The following DOCK8 variants were observed in gnomAD, a reference collection of about 807,000 sequenced individuals.
The protein encoded by DOCK8 is dedicator of cytokinesis 8.
Under a neutral mutation model 245.6 loss-of-function variants are expected in DOCK8, and 141 were observed. The ratio of observed to expected loss-of-function variants is 0.57; its 90% CI spans 0.50 to 0.66. The LOEUF is 0.66. DOCK8 is among the 30% of genes least tolerant of loss of function. The pLI, the probability that DOCK8 is intolerant of heterozygous loss-of-function variation, is 0.00. For synonymous variants in DOCK8, 1,168 were observed against 970.2 expected (o/e 1.20, Z -3.79); for missense variants, 2,965 against 2,603.4 (o/e 1.14, Z -3.02).
intron 1 of DOCK8, among the ~76,000 whole-genome samples, chr9:241,600 C>T (rs2047374827): frequency 6.6e-6 from 1 of 152,112 alleles, no homozygotes; most frequent in Non-Finnish European, 1.5e-5. Context: ...GTATCTATCC[C>T]ACATTTTCTT....
chr9:275,828 A>G (rs1214831790), intron 2 of DOCK8, among the ~76,000 whole-genome samples: 1 of 151,154 alleles, frequency 6.6e-6, no homozygotes, highest in Non-Finnish European at 1.5e-5. Context: ...ACCTCAAGTG[A>G]TCCACCCACC....
At chr9:274,957 C>A (rs1586566489) in intron 2 of DOCK8, among the ~76,000 whole-genome samples, 1 of 152,128 alleles carries the variant, frequency 6.6e-6, no homozygotes. Flanking sequence ...TAATTGAAGT[C>A]AAGTTATTTA....
chr9:369,978 T>G, intron 15 of DOCK8: 1 of 513,574 alleles, frequency 1.9e-6, no homozygotes, highest in Non-Finnish European at 3.5e-6. Context: ...ATTTTTGTAT[T>G]TTTTTGTAGA....
intron 18 of DOCK8, among the ~76,000 whole-genome samples, chr9:374,048 A>C (rs2053414016): frequency 6.6e-6 from 1 of 152,218 alleles, no homozygotes; most frequent in African/African-American, 2.4e-5. Flanking sequence ...CTGAGTCTCG[A>C]AGATGAAACT....
At chr9:397,366 A>AAG (rs2054513809) in intron 25 of DOCK8, among the ~76,000 whole-genome samples, 1 of 141,544 alleles carries the variant, frequency 7.1e-6, no homozygotes, top group Non-Finnish European at 1.5e-5. Flanking sequence ...AAAAAAAAAA[A>AAG]AGAAATTGCA....
Position 352,740 on chromosome 9 carries a change from C to CAAAAAAAA in DOCK8, c.1679+12421_1679+12428dup, listed in dbSNP as rs56298794. Among the ~76,000 whole-genome samples, 380 of 141,452 alleles carry CAAAAAAAA rather than the reference C, an allele frequency of 2.7e-3. 4 individuals carry two copies. The highest frequency in any genetic ancestry group is 6.3e-3 in the African/African-American group (241 of 38,114). The allele number at this position is 141,452 out of a possible 152,430, so 92.8% of individuals were successfully genotyped here. A position where few individuals can be genotyped will look rare whatever the true frequency, so the allele number is the denominator to read the frequency against. ...CCAGTGACAGTGTGAGACTCTGTCT[C>CAAAAAAAA]AAAAAAAAAGTGCCGATACTTTATA... On this transcript the variant is annotated intron_variant, in intron 14 of 47. Coordinates refer to ENST00000432829, the MANE Select transcript of DOCK8 (RefSeq NM_203447.4).
chr9:305,101 G>A (rs1367773244), intron 5 of DOCK8, among the ~76,000 whole-genome samples: 1 of 152,050 alleles, frequency 6.6e-6, no homozygotes, highest in Admixed American at 6.5e-5. Context: ...CTAACTTCAA[G>A]CAGGATAATT....
intron 3 of DOCK8, among the ~76,000 whole-genome samples, chr9:288,346 C>T (rs151235314): frequency 3.2e-4 from 49 of 152,236 alleles, no homozygotes; most frequent in Middle Eastern, 3.4e-3. Context: ...AAAACATGAA[C>T]GCTACAGGTG....
At chr9:223,622 CTTT>C (rs113604836) in intron 1 of DOCK8, among the ~76,000 whole-genome samples, 11 of 140,312 alleles carry the variant, frequency 7.8e-5, no homozygotes, top group Admixed American at 7.1e-5. Flanking sequence ...GTTTTAAAAT[CTTT>C]TTTTTTTTTT....
At chr9:400,618 CACCACCA>C in intron 26 of DOCK8, among the ~76,000 whole-genome samples, 1 of 99,348 alleles carries the variant, frequency 1.0e-5, no homozygotes, top group Non-Finnish European at 1.8e-5. Context: ...CCACCACCTC[CACCACCA>C]TCACCACCAC....
At chr9:256,489 G>T (rs2047779090) in intron 1 of DOCK8, among the ~76,000 whole-genome samples, 1 of 152,140 alleles carries the variant, frequency 6.6e-6, no homozygotes, top group Non-Finnish European at 1.5e-5. Context: ...GATAAATTTG[G>T]CTTTATTGAA....
chr9:251,737 G>C (rs1313034049), intron 1 of DOCK8, among the ~76,000 whole-genome samples: 1 of 152,114 alleles, frequency 6.6e-6, no homozygotes, highest in East Asian at 1.9e-4. Context: ...TAGAGTTGTT[G>C]TGAGGACTAC....
chr9:236,218 C>A (rs1332026857), intron 1 of DOCK8, among the ~76,000 whole-genome samples: 3 of 152,094 alleles, frequency 2.0e-5, no homozygotes, highest in Non-Finnish European at 4.4e-5. Flanking sequence ...TCCTAAAACT[C>A]TGTACAGTGA....
intron 23 of DOCK8, among the ~76,000 whole-genome samples, chr9:389,595 G>C (rs111491257): frequency 1.6e-5 from 1 of 64,198 alleles, no homozygotes; most frequent in East Asian, 2.3e-4. Context: ...CCCTGGACCA[G>C]CAGCAGCAGC....
chr9:406,979 T>G lies in DOCK8; in HGVS notation c.3440T>G (p.Phe1147Cys), dbSNP rs1454223044. ...CAGGACCAGAAGATCGCCAGCATGT[T>G]CGATCTGACTTCCGAGTACCGCCAG... ...SFQDQKIASM[F>C]DLTSEYRQQH... The change falls in exon 28 of 48, where the codon TTC (phenylalanine) becomes TGC (cysteine). Residue 1147 changes from phenylalanine to cysteine, a missense_variant. Around this residue, in one of 3 missense-constraint regions of DOCK8, gnomAD observed 2,825 missense variants for 2,453.5 expected, o/e 1.15. Coordinates refer to ENST00000432829, the MANE Select transcript of DOCK8 (RefSeq NM_203447.4). The G allele has an allele frequency of 6.2e-7, 1 of 1,614,182 alleles. No individual in the cohort carries two copies. Among genetic ancestry groups the G allele is most frequent in the South Asian group, 1.1e-5 (1 of 91,084 alleles).
At chr9:379,218 G>A (rs567884682) in intron 20 of DOCK8, among the ~76,000 whole-genome samples, 1 of 152,238 alleles carries the variant, frequency 6.6e-6, no homozygotes, top group South Asian at 2.1e-4. Context: ...AGAACAAGAG[G>A]TTCTATGCAG....
intron 46 of DOCK8, among the ~76,000 whole-genome samples, chr9:455,460 T>C (rs1012870993): frequency 6.6e-6 from 1 of 152,130 alleles, no homozygotes; most frequent in Non-Finnish European, 1.5e-5. Context: ...CAATGAGCCA[T>C]GATCGTGCCA....
chr9:338,751 C>T (rs957110239), intron 12 of DOCK8, among the ~76,000 whole-genome samples: 2 of 152,086 alleles, frequency 1.3e-5, no homozygotes, highest in African/African-American at 2.4e-5. Flanking sequence ...AATGGTCAGA[C>T]GGGCTTCCTT....
intron 14 of DOCK8, among the ~76,000 whole-genome samples, chr9:357,467 TTC>T (rs1265119569): frequency 6.6e-6 from 1 of 152,192 alleles, no homozygotes; most frequent in Non-Finnish European, 1.5e-5. Context: ...CTCTCTCTCT[TTC>T]TCTTTCTCTC....
Sources: gnomAD v4.1 joint callset for allele counts (sites outside exome capture counted in the v4.1 genomes callset) on GRCh38, gnomAD v4.1.1 for gene constraint, gnomAD v4.1.1 regional missense constraint, MANE v1.5 for transcripts, NCBI Gene and HGNC (gene_info 2026-07-23, HGNC 2026-07-21) for gene names.